The following EIF4G3 variants were observed in gnomAD, a reference collection of about 807,000 sequenced individuals.
EIF4G3 encodes eukaryotic translation initiation factor 4 gamma 3, also known as eIF-4-gamma 3.
Under a neutral mutation model 186.4 loss-of-function variants are expected in EIF4G3, and 34 were observed. The observed-to-expected ratio is 0.18, with a 90% confidence interval of 0.14 to 0.24. EIF4G3 has a LOEUF of 0.24. Ranked by LOEUF, EIF4G3 falls within the 10% of genes least tolerant of loss-of-function variation. EIF4G3 has a pLI of 1.00. For synonymous variants in EIF4G3, 673 were observed against 679.5 expected (o/e 0.99, Z 0.15); for missense variants, 1,536 against 1,948.5 (o/e 0.79, Z 3.99).
intron 18 of EIF4G3, 118 bp downstream of exon 18, chr1:20,893,399 C>T (rs2086803429): frequency 1.2e-6 from 1 of 851,156 alleles, no homozygotes. Flanking sequence ...GTCTTTGCCT[C>T]TTCTTCTTCT....
chr1:20,844,038 T>C (rs903494728), intron 29 of EIF4G3, among the ~76,000 whole-genome samples: 3 of 152,264 alleles, frequency 2.0e-5, no homozygotes, highest in African/African-American at 7.2e-5. Context: ...TACCGCATTT[T>C]CTTTATCCAC....
At chr1:21,081,636 ATTTTT>A (rs566655576) in intron 3 of EIF4G3, among the ~76,000 whole-genome samples, 2 of 122,772 alleles carry the variant, frequency 1.6e-5, no homozygotes, top group South Asian at 2.7e-4. Context: ...GATGAGTCCA[ATTTTT>A]TTTTTTTTTT....
chr1:21,034,929 G>A (rs967704756), intron 4 of EIF4G3, among the ~76,000 whole-genome samples: 1 of 152,144 alleles, frequency 6.6e-6, no homozygotes, highest in African/African-American at 2.4e-5. Context: ...AGCCAGGCAA[G>A]GGGGAGCCCT....
chr1:20,871,827 C>T (rs2154553100), intron 20 of EIF4G3, among the ~76,000 whole-genome samples: 1 of 152,050 alleles, frequency 6.6e-6, no homozygotes, highest in South Asian at 2.1e-4. Flanking sequence ...TTTCTTTTCT[C>T]TGTCTTTTTT....
At chr1:21,170,928 C>T (rs1362194321) in intron 2 of EIF4G3, among the ~76,000 whole-genome samples, 2 of 151,706 alleles carry the variant, frequency 1.3e-5, no homozygotes, top group African/African-American at 4.8e-5. Context: ...GCAGAGGTTG[C>T]AGTGAGCCAA....
intron 19 of EIF4G3, among the ~76,000 whole-genome samples, chr1:20,881,111 T>C (rs544805933): frequency 6.6e-6 from 1 of 152,318 alleles, no homozygotes; most frequent in Non-Finnish European, 1.5e-5. Context: ...CAGAGTGGTG[T>C]TGGCCAGAGG....
At chr1:20,933,565 G>T (rs2095412794) in intron 14 of EIF4G3, among the ~76,000 whole-genome samples, 1 of 152,118 alleles carries the variant, frequency 6.6e-6, no homozygotes, top group Admixed American at 6.5e-5. Context: ...TGAGGGAGGA[G>T]AATCACTTGA....
intron 4 of EIF4G3, among the ~76,000 whole-genome samples, chr1:21,014,082 T>C (rs1015892926): frequency 5.3e-5 from 8 of 152,110 alleles, no homozygotes; most frequent in South Asian, 4.2e-4. Context: ...GGCAAGAGAA[T>C]TGCTTGAACC....
intron 14 of EIF4G3, among the ~76,000 whole-genome samples, chr1:20,938,179 G>C (rs563862603): frequency 3.0e-4 from 45 of 152,154 alleles, no homozygotes; most frequent in African/African-American, 1.0e-3. Context: ...ATTTTTAGTA[G>C]ATACGGGGTT....
In EIF4G3 at chr1:21,176,852, T is replaced by G. The variant is rs1189397327; in HGVS notation, c.-586A>C. ...TTTTCTTCACTCAACGAGCAGAGCATCCAACATGGCGCTGTGGCCGCCTCC... is the reference window on the plus strand; with the variant it reads ...TTTTCTTCACTCAACGAGCAGAGCAGCCAACATGGCGCTGTGGCCGCCTCC... On this transcript the variant is annotated 5_prime_UTR_variant, in exon 1 of 37. The change abolishes an upstream ATG in the 5' untranslated region. Coordinates refer to ENST00000602326, the MANE Select transcript of EIF4G3 (RefSeq NM_001391906.1). 1.4e-6 allele frequency: 1 copy of G among 701,114 alleles called. No individual in the cohort carries two copies. The highest frequency in any genetic ancestry group is 1.5e-5 in the South Asian group (1 of 67,588). 43.4% of individuals were successfully genotyped at this position (701,114 alleles called of 1,614,324 possible).
intron 3 of EIF4G3, among the ~76,000 whole-genome samples, chr1:21,079,692 A>G (rs1460720802): frequency 6.6e-6 from 1 of 151,670 alleles, no homozygotes; most frequent in African/African-American, 2.4e-5. Flanking sequence ...GCAAAAGAAA[A>G]AAAAAAAAAA....
intron 2 of EIF4G3, among the ~76,000 whole-genome samples, chr1:21,117,754 A>G (rs1048211421): frequency 1.3e-5 from 2 of 149,366 alleles, no homozygotes; most frequent in East Asian, 3.9e-4. Flanking sequence ...AAAAAAAAAA[A>G]AAAAAAATTA....
intron 2 of EIF4G3, among the ~76,000 whole-genome samples, chr1:21,159,999 A>C (rs2097733804): frequency 6.6e-6 from 1 of 151,894 alleles, no homozygotes; most frequent in African/African-American, 2.4e-5. Flanking sequence ...CCAGCTACTC[A>C]GGAGGCTGTG....
chr1:20,980,030 G>A (rs969799106), intron 10 of EIF4G3, among the ~76,000 whole-genome samples: 7 of 152,022 alleles, frequency 4.6e-5, no homozygotes, highest in African/African-American at 1.2e-4. Flanking sequence ...GAGCCACCGC[G>A]CCCAGCCAAA....
chr1:20,846,905 G>A (rs947049321), intron 29 of EIF4G3, among the ~76,000 whole-genome samples: 9 of 152,232 alleles, frequency 5.9e-5, no homozygotes, highest in African/African-American at 2.2e-4. Context: ...CACAGTGCCA[G>A]GCACAAAATA....
At chr1:21,026,352 T>A (rs1378752738) in intron 4 of EIF4G3, among the ~76,000 whole-genome samples, 1 of 152,010 alleles carries the variant, frequency 6.6e-6, no homozygotes, top group Non-Finnish European at 1.5e-5. Context: ...TGCAAAAGAA[T>A]GAAGTTAGAC....
Position 20,956,617 on chromosome 1 carries a change from CAAAA to C in EIF4G3, c.715-6510_715-6507del, listed in dbSNP as rs61623629. Among the ~76,000 whole-genome samples, 817 of 114,574 alleles carry C rather than the reference CAAAA, an allele frequency of 7.1e-3. 6 individuals are homozygous for C. The highest frequency in any genetic ancestry group is 0.025 in the African/African-American group (765 of 30,088). 75.2% of individuals were successfully genotyped at this position (114,574 alleles called of 152,430 possible). A position where few individuals can be genotyped will look rare whatever the true frequency, so the allele number is the denominator to read the frequency against. ...CTTAGGTAGACTACAGTATAATTTA[CAAAA>C]AAAAAAAAAAAAAAAACAAGGAGAG... On this transcript the variant is annotated intron_variant, in intron 12 of 36. Transcript: ENST00000602326.
intron 2 of EIF4G3, among the ~76,000 whole-genome samples, chr1:21,090,077 T>C (rs149304128): frequency 4.2e-3 from 634 of 152,306 alleles, no homozygotes; most frequent in Non-Finnish European, 6.1e-3. Flanking sequence ...TAACCCATGA[T>C]TGAAATACAG....
intron 7 of EIF4G3, 84 bp downstream of exon 7, chr1:20,997,517 G>T: frequency 7.8e-7 from 1 of 1,283,432 alleles, no homozygotes; most frequent in Non-Finnish European, 1.1e-6. Flanking sequence ...AGTTCTATGG[G>T]ATGGCAGCAT....
Sources: allele counts gnomAD v4.1 joint callset (sites outside exome capture counted in the v4.1 genomes callset), GRCh38; gene constraint gnomAD v4.1.1; transcripts MANE v1.5; gene names NCBI Gene and HGNC (gene_info 2026-07-23, HGNC 2026-07-21).